ENOX1: variants seen among roughly 807,000 people sequenced by gnomAD.
ENOX1 encodes ecto-NOX disulfide-thiol exchanger 1.
A neutral mutation model predicts 82.5 loss-of-function variants in ENOX1; 42 were observed. The ratio of observed to expected loss-of-function variants is 0.51; its 90% confidence interval spans 0.40 to 0.66. The LOEUF (loss-of-function observed/expected upper bound fraction) is 0.66, where lower values mean the gene tolerates loss of function less well. ENOX1 is among the 30% of genes least tolerant of loss of function. ENOX1 has a pLI of 0.00. For synonymous variants in ENOX1, 271 were observed against 282.2 expected (o/e 0.96, Z 0.40); for missense variants, 608 against 811.6 (o/e 0.75, Z 3.05).
chr13:43,596,680 G>T (rs553709950), intron 2 of ENOX1, among the ~76,000 whole-genome samples: 27 of 152,196 alleles, frequency 1.8e-4, no homozygotes, highest in African/African-American at 5.8e-4. Context: ...AAAATTATAG[G>T]TTTCATGTGT....
At chr13:43,678,780 G>C (rs1056148584) in intron 1 of ENOX1, among the ~76,000 whole-genome samples, 4 of 152,126 alleles carry the variant, frequency 2.6e-5, no homozygotes, top group African/African-American at 9.7e-5. Flanking sequence ...CATTAATATA[G>C]CTTATTTATC....
At chr13:43,691,338 A>G (rs779335970) in intron 1 of ENOX1, among the ~76,000 whole-genome samples, 3 of 151,886 alleles carry the variant, frequency 2.0e-5, no homozygotes, top group Non-Finnish European at 4.4e-5. Context: ...ACCTCTCGTC[A>G]TCTTCTTGCC....
intron 2 of ENOX1, among the ~76,000 whole-genome samples, chr13:43,551,228 T>C (rs2079181408): frequency 6.6e-6 from 1 of 152,200 alleles, no homozygotes; most frequent in South Asian, 2.1e-4. Flanking sequence ...TGGTGAGGCT[T>C]CAAAATGGAG....
intron 5 of ENOX1, among the ~76,000 whole-genome samples, chr13:43,371,228 G>A (rs1364272591): frequency 6.6e-6 from 1 of 152,026 alleles, no homozygotes; most frequent in Non-Finnish European, 1.5e-5. Flanking sequence ...AGACAGTAGG[G>A]GCAAAAAATT....
chr13:43,567,714 T>C (rs2079982080), intron 2 of ENOX1, among the ~76,000 whole-genome samples: 1 of 152,130 alleles, frequency 6.6e-6, no homozygotes, highest in African/African-American at 2.4e-5. Flanking sequence ...GTCTACTCTG[T>C]TCCCACAGTC....
At chr13:43,642,800 T>C (rs977715113) in intron 2 of ENOX1, among the ~76,000 whole-genome samples, 2 of 152,252 alleles carry the variant, frequency 1.3e-5, no homozygotes, top group Non-Finnish European at 2.9e-5. Context: ...CTCTATTTAA[T>C]GGAATATCAA....
chr13:43,583,728 C>A (rs779638731), intron 2 of ENOX1, among the ~76,000 whole-genome samples: 2 of 151,950 alleles, frequency 1.3e-5, no homozygotes, highest in South Asian at 2.1e-4. Context: ...AACATCAGGT[C>A]TTCTATTGTC....
chr13:43,544,656 T>A (rs1010516074), intron 2 of ENOX1: 18 of 152,128 alleles, frequency 1.2e-4, no homozygotes, highest in South Asian at 2.1e-4. Context: ...CCAAATTAGC[T>A]CATTAATTTT....
chr13:43,470,246 A>G (rs1234291121), intron 3 of ENOX1, among the ~76,000 whole-genome samples: 79 of 58,104 alleles, frequency 1.4e-3, no homozygotes, highest in African/African-American at 3.5e-3. Context: ...GTGTATATAT[A>G]TACATATATA....
intron 2 of ENOX1, among the ~76,000 whole-genome samples, chr13:43,513,679 A>T (rs1231590745): frequency 6.6e-6 from 1 of 152,184 alleles, no homozygotes; most frequent in Non-Finnish European, 1.5e-5. Flanking sequence ...GTCAGGCTTT[A>T]TGACCATATC....
chr13:43,514,204 C>T (rs892728963), intron 2 of ENOX1, among the ~76,000 whole-genome samples: 2 of 152,034 alleles, frequency 1.3e-5, no homozygotes, highest in Admixed American at 6.6e-5. Flanking sequence ...ACAATTCAAA[C>T]CAGTTTTACA....
rs1330463043 is a variant in ENOX1, at chr13:43,506,870, T to A, written c.-218-22718A>T. Reference sequence around the variant, plus strand: ...GGGACGGGGGAGGGATAGCATTAGGTGATATACCTAATGCTAAATGACGAG... The same window carrying A: ...GGGACGGGGGAGGGATAGCATTAGGAGATATACCTAATGCTAAATGACGAG... On this transcript the variant is annotated intron_variant, in intron 2 of 16. Transcript: ENST00000690772. 4.6e-5 allele frequency among the ~76,000 whole-genome samples: 7 copies of A among 150,818 alleles called. No homozygotes were observed. The South Asian group carries it at 8.4e-4, about 18-fold the overall frequency.
intron 3 of ENOX1, among the ~76,000 whole-genome samples, chr13:43,469,917 T>C (rs1195371112): frequency 6.6e-6 from 1 of 151,778 alleles, no homozygotes; most frequent in Admixed American, 6.6e-5. Flanking sequence ...TACACTGATA[T>C]ATAAAGAGCT....
At chr13:43,705,730 C>T (rs1362265657) in intron 1 of ENOX1, among the ~76,000 whole-genome samples, 1 of 151,982 alleles carries the variant, frequency 6.6e-6, no homozygotes, top group African/African-American at 2.4e-5. Context: ...AGATTTTTAA[C>T]ACCCCTCTCT....
chr13:43,715,098 C>T (rs1276524388), intron 1 of ENOX1, among the ~76,000 whole-genome samples: 4 of 152,086 alleles, frequency 2.6e-5, no homozygotes, highest in African/African-American at 9.7e-5. Context: ...TCTTTTAGGG[C>T]AGGCCTGGTG....
chr13:43,757,319 A>C (rs751676510), intron 1 of ENOX1, among the ~76,000 whole-genome samples: 3 of 152,176 alleles, frequency 2.0e-5, no homozygotes, highest in Non-Finnish European at 4.4e-5. Context: ...CTTGCTTTGA[A>C]AACAGGATAC....
intron 1 of ENOX1, among the ~76,000 whole-genome samples, chr13:43,747,001 GCAGC>G (rs541604930): frequency 3.0e-4 from 45 of 152,292 alleles, no homozygotes; most frequent in African/African-American, 1.1e-3. Context: ...AGGAATCGGG[GCAGC>G]CAAAAGTGTT....
At chr13:43,216,445 A>C (rs955370157) in intron 16 of ENOX1, among the ~76,000 whole-genome samples, 4 of 152,212 alleles carry the variant, frequency 2.6e-5, no homozygotes, top group African/African-American at 9.7e-5. Flanking sequence ...AGAAAATGAC[A>C]CTATTATCTA....
chr13:43,405,499 A>C (rs1354247947), intron 5 of ENOX1, among the ~76,000 whole-genome samples: 1 of 152,070 alleles, frequency 6.6e-6, no homozygotes, highest in Non-Finnish European at 1.5e-5. Context: ...AACATATCCA[A>C]AAGGAAATGA....
Sources: allele counts gnomAD v4.1 joint callset (sites outside exome capture counted in the v4.1 genomes callset), GRCh38; gene constraint gnomAD v4.1.1; transcripts MANE v1.5; gene names NCBI Gene and HGNC (gene_info 2026-07-23, HGNC 2026-07-21).